The following GRIK4 variants were observed in gnomAD, a reference collection of about 807,000 sequenced individuals.
The protein encoded by GRIK4 is glutamate receptor ionotropic, kainate 4.
A neutral mutation model predicts 104.9 loss-of-function variants in GRIK4; 40 were observed. The ratio of observed to expected loss-of-function variants is 0.38; its 90% CI spans 0.30 to 0.50. The LOEUF is 0.50. Ranked by LOEUF, GRIK4 falls within the 20% of genes least tolerant of loss-of-function variation. The pLI is 0.93. For synonymous variants in GRIK4, 485 were observed against 524.9 expected (o/e 0.92, Z 1.04); for missense variants, 1,047 against 1,308.1 (o/e 0.80, Z 3.08).
intron 13 of GRIK4, among the ~76,000 whole-genome samples, chr11:120,919,227 G>A (rs558748405): frequency 6.6e-6 from 1 of 152,352 alleles, no homozygotes; most frequent in South Asian, 2.1e-4. Flanking sequence ...GGAACATGAA[G>A]AGTGCATTGT....
Position 120,940,390 on chromosome 11 carries a change from G to A in GRIK4, c.1520G>A (p.Arg507Gln), listed in dbSNP as rs1192323453. Residue 507 changes from arginine (R) to glutamine (Q), a missense_variant, in exon 14 of 21, where the codon CGG (arginine) becomes CAG (glutamine). Transcript: ENST00000527524. This position sits in a 1 kb window ranked among gnomAD's most constrained non-coding sequence, Gnocchi z 4.3. ...GCAGGCCTCACCATTACAGCTGAACGGGAGAAGGTGATTGATTTCTCTAAG... is the reference window on the plus strand; with the variant it reads ...GCAGGCCTCACCATTACAGCTGAACAGGAGAAGGTGATTGATTTCTCTAAG... ...AVAGLTITAE[R>Q]EKVIDFSKPF... 3 of 1,613,706 alleles carry A rather than the reference G, an allele frequency of 1.9e-6. No individual in the cohort carries two copies. Among genetic ancestry groups the A allele is most frequent in the Non-Finnish European group, 2.5e-6 (3 of 1,179,746 alleles).
At chr11:120,535,585 A>G (rs1947966099) in intron 1 of GRIK4, among the ~76,000 whole-genome samples, 1 of 152,100 alleles carries the variant, frequency 6.6e-6, no homozygotes, top group Non-Finnish European at 1.5e-5. Flanking sequence ...GTGTAGGGCA[A>G]GGTCACTAAA....
intron 1 of GRIK4, among the ~76,000 whole-genome samples, chr11:120,529,665 A>G (rs1054782813): frequency 2.6e-5 from 4 of 152,200 alleles, no homozygotes; most frequent in African/African-American, 9.6e-5. Flanking sequence ...GATGATTTCA[A>G]TGTATCCCTT....
chr11:120,643,952 T>C (rs144861893), intron 1 of GRIK4, among the ~76,000 whole-genome samples: 26 of 151,838 alleles, frequency 1.7e-4, no homozygotes, highest in South Asian at 8.3e-4. Flanking sequence ...AATTATCCAG[T>C]CTAACAATGC....
intron 16 of GRIK4, among the ~76,000 whole-genome samples, chr11:120,959,870 A>G (rs1944250200): frequency 6.6e-6 from 1 of 152,232 alleles, no homozygotes; most frequent in Non-Finnish European, 1.5e-5. Context: ...TGGTTTTAAA[A>G]TACAAATTTA....
At chr11:120,572,063 C>T (rs1032770312) in intron 1 of GRIK4, among the ~76,000 whole-genome samples, 2 of 152,206 alleles carry the variant, frequency 1.3e-5, no homozygotes, top group African/African-American at 2.4e-5. Flanking sequence ...GATCAAGATG[C>T]CGGCGGATCC....
chr11:120,754,313 T>G (rs1302104406), intron 3 of GRIK4, among the ~76,000 whole-genome samples: 2 of 152,230 alleles, frequency 1.3e-5, no homozygotes, highest in Non-Finnish European at 1.5e-5. Flanking sequence ...TGCCTGGCCC[T>G]TGGACATTTC....
At chr11:120,806,268 G>T (rs936283672) in intron 4 of GRIK4, among the ~76,000 whole-genome samples, 11 of 152,118 alleles carry the variant, frequency 7.2e-5, no homozygotes, top group African/African-American at 2.7e-4. Context: ...CTGTCTCCAG[G>T]GCTGTTCTCG....
At chr11:120,922,509 A>G (rs1015340950) in intron 13 of GRIK4, among the ~76,000 whole-genome samples, 3 of 152,132 alleles carry the variant, frequency 2.0e-5, no homozygotes, top group Admixed American at 1.3e-4. Flanking sequence ...ACCTCCTTCT[A>G]TCTTCCCTCT....
chr11:120,707,043 CA>C (rs1490640549), intron 3 of GRIK4, among the ~76,000 whole-genome samples: 2 of 152,188 alleles, frequency 1.3e-5, no homozygotes, highest in Non-Finnish European at 2.9e-5. Context: ...CTGGGACAAC[CA>C]CACAGAGCCT....
intron 13 of GRIK4, among the ~76,000 whole-genome samples, chr11:120,925,984 AAAG>A (rs1401627416): frequency 2.3e-4 from 35 of 152,054 alleles, no homozygotes; most frequent in Admixed American, 9.2e-4. Flanking sequence ...AAAAAAAAAA[AAAG>A]AAAGAAAAAA....
Position 120,952,824 on chromosome 11 carries a change from C to A in GRIK4, c.1591-31C>A. 6.9e-7 allele frequency: 1 copy of A among 1,441,224 alleles called. No homozygotes were observed. Among genetic ancestry groups the A allele is most frequent in the Non-Finnish European group, 9.8e-7 (1 of 1,021,598 alleles). 89.3% of individuals were successfully genotyped at this position (1,441,224 alleles called of 1,614,324 possible). ...CAAGGTCATGTTGACTGAATATGTGCGGTGAATCTTGTTTTTCTCTCCATT... is the reference window on the plus strand; with the variant it reads ...CAAGGTCATGTTGACTGAATATGTGAGGTGAATCTTGTTTTTCTCTCCATT... On this transcript the variant is annotated intron_variant, in intron 14 of 20. Coordinates refer to ENST00000527524, the MANE Select transcript of GRIK4 (RefSeq NM_014619.5). This position sits in a 1 kb window ranked among gnomAD's most constrained non-coding sequence, Gnocchi z 5.2.
intron 1 of GRIK4, among the ~76,000 whole-genome samples, chr11:120,548,223 G>A (rs1029502303): frequency 6.6e-6 from 1 of 152,044 alleles, no homozygotes; most frequent in African/African-American, 2.4e-5. Flanking sequence ...TGCATGACAC[G>A]TGATAAGTAC....
chr11:120,893,002 A>G (rs1406344865), intron 11 of GRIK4, among the ~76,000 whole-genome samples: 14 of 152,362 alleles, frequency 9.2e-5, no homozygotes, highest in African/African-American at 3.4e-4. Context: ...AAATTAACGT[A>G]TAAAAGCGCA....
rs370612917 is a variant in GRIK4 at position 120,637,669 on chromosome 11, G to A, written c.-158-16016G>A. Among the ~76,000 whole-genome samples, 59 of 152,130 alleles carry A rather than the reference G, an allele frequency of 3.9e-4. 1 individual carries two copies. In the South Asian group the frequency reaches 9.8e-3, roughly 25 times the overall value. On this transcript the variant is annotated intron_variant, in intron 1 of 20. Transcript: ENST00000527524. ...CATACCCAGAATAATTATTTCTTGC[G>A]GCGATCTGAAGCTGAAGCTGGTTTA...
chr11:120,542,596 A>C (rs1420437961), intron 1 of GRIK4, among the ~76,000 whole-genome samples: 2 of 152,266 alleles, frequency 1.3e-5, no homozygotes, highest in Admixed American at 6.5e-5. Flanking sequence ...AGGAACTCCT[A>C]CAACTTCACA....
At chr11:120,716,989 G>C (rs1422445981) in intron 3 of GRIK4, among the ~76,000 whole-genome samples, 1 of 152,172 alleles carries the variant, frequency 6.6e-6, no homozygotes, top group African/African-American at 2.4e-5. Flanking sequence ...TAGGGACTAG[G>C]ATCCAAATCC....
chr11:120,768,780 T>C (rs1472829536), intron 3 of GRIK4, among the ~76,000 whole-genome samples: 2 of 152,240 alleles, frequency 1.3e-5, no homozygotes, highest in African/African-American at 4.8e-5. Flanking sequence ...AATGTTTTTC[T>C]GCACCAGTTG....
intron 1 of GRIK4, among the ~76,000 whole-genome samples, chr11:120,572,509 C>T (rs1948414258): frequency 6.6e-6 from 1 of 152,110 alleles, no homozygotes; most frequent in South Asian, 2.1e-4. Flanking sequence ...GTCTCCTTCG[C>T]AGGCTGTCTT....
Sources: allele counts gnomAD v4.1 joint callset (sites outside exome capture counted in the v4.1 genomes callset), GRCh38; gene constraint gnomAD v4.1.1; non-coding constraint Gnocchi (gnomAD v3.1); transcripts MANE v1.5; gene names NCBI Gene and HGNC (gene_info 2026-07-23, HGNC 2026-07-21).